The following DPYS variants were observed in gnomAD, a reference collection of about 807,000 sequenced individuals.
DPYS encodes the protein dihydropyrimidine amidohydrolase.
In DPYS, 39 loss-of-function variants were observed where a neutral mutation model predicts 50.3. That is an observed-to-expected ratio of 0.78 (90% CI 0.60 to 1.01). The LOEUF (loss-of-function observed/expected upper bound fraction) is 1.01. Ranked by LOEUF, DPYS falls within the 50% of genes least tolerant of loss-of-function variation. The pLI is 0.00. For synonymous variants in DPYS, 245 were observed against 250.7 expected (o/e 0.98, Z 0.22); for missense variants, 659 against 680.9 (o/e 0.97, Z 0.36).
intron 6 of DPYS, 96 bp from the exon 7 acceptor site, chr8:104,424,485 C>G: frequency 1.5e-6 from 2 of 1,293,694 alleles, no homozygotes; most frequent in Non-Finnish European, 2.2e-6. Context: ...ACAAACAGAA[C>G]TGCACCTAAT....
At chr8:104,451,109 G>A (rs1813720476) in intron 2 of DPYS, 137 bp downstream of exon 2, 2 of 1,057,638 alleles carry the variant, frequency 1.9e-6, no homozygotes, top group Non-Finnish European at 2.9e-6. Context: ...AGATACAAAA[G>A]AATATGCAAT....
chr8:104,447,553 G>T (rs1466715461), intron 2 of DPYS, 50 bp from the exon 3 acceptor site: 2 of 1,594,462 alleles, frequency 1.3e-6, no homozygotes, highest in South Asian at 2.2e-5. Context: ...TAATTTAAAT[G>T]ATAATTTCAA....
chr8:104,418,315 A>G (rs1812433285), intron 7 of DPYS, among the ~76,000 whole-genome samples: 1 of 152,210 alleles, frequency 6.6e-6, no homozygotes, highest in Admixed American at 6.5e-5. Flanking sequence ...GAAATTTTGT[A>G]GGAAAATTTG....
intron 8 of DPYS, among the ~76,000 whole-genome samples, chr8:104,385,851 C>A (rs1471878704): frequency 6.6e-6 from 1 of 152,162 alleles, no homozygotes; most frequent in East Asian, 1.9e-4. Context: ...GCAAGAAGGC[C>A]CTCTCTAGAT....
At chr8:104,397,169 G>C (rs941662388) in intron 7 of DPYS, among the ~76,000 whole-genome samples, 1 of 152,070 alleles carries the variant, frequency 6.6e-6, no homozygotes, top group African/African-American at 2.4e-5. Context: ...CCTTCTCCCT[G>C]CCCTAAAACT....
intron 9 of DPYS, among the ~76,000 whole-genome samples, chr8:104,380,199 G>C (rs1810984796): frequency 1.3e-5 from 2 of 152,254 alleles, no homozygotes; most frequent in African/African-American, 4.8e-5. Context: ...CCAAATCCCT[G>C]CAGGAACAGG....
At chr8:104,448,967 T>A (rs1013995821) in intron 2 of DPYS, among the ~76,000 whole-genome samples, 3 of 152,170 alleles carry the variant, frequency 2.0e-5, no homozygotes, top group Non-Finnish European at 2.9e-5. Flanking sequence ...AGAAGGGGCC[T>A]TGTAAGGCTT....
chr8:104,430,404 C>A (rs187749515), intron 4 of DPYS, among the ~76,000 whole-genome samples: 26 of 151,636 alleles, frequency 1.7e-4, no homozygotes, highest in Non-Finnish European at 3.4e-4. Flanking sequence ...TAATAGTGCA[C>A]AGTGAATTTG....
chr8:104,389,400 T>A (rs1811315924), intron 8 of DPYS, among the ~76,000 whole-genome samples: 1 of 152,216 alleles, frequency 6.6e-6, no homozygotes, highest in Non-Finnish European at 1.5e-5. Flanking sequence ...CTTTGCCTAA[T>A]GCCATAGGGA....
chr8:104,391,111 A>G (rs1416633245), intron 8 of DPYS, among the ~76,000 whole-genome samples: 1 of 152,240 alleles, frequency 6.6e-6, no homozygotes, highest in South Asian at 2.1e-4. Context: ...AATTTAAAGC[A>G]CGTGAGAAAA....
At chr8:104,454,046 A>G (rs1813845769) in intron 1 of DPYS, among the ~76,000 whole-genome samples, 1 of 152,152 alleles carries the variant, frequency 6.6e-6, no homozygotes, top group Admixed American at 6.5e-5. Context: ...GGATGAGGAG[A>G]GTCCAAGGTG....
intron 8 of DPYS, among the ~76,000 whole-genome samples, chr8:104,391,122 C>T (rs1190904687): frequency 6.6e-6 from 1 of 152,148 alleles, no homozygotes; most frequent in Non-Finnish European, 1.5e-5. Context: ...CGTGAGAAAA[C>T]TTGTTTACCT....
chr8:104,454,039 TGAG>T (rs1813845417), intron 1 of DPYS, among the ~76,000 whole-genome samples: 1 of 152,254 alleles, frequency 6.6e-6, no homozygotes, highest in East Asian at 1.9e-4. Context: ...CTGGGTGGGA[TGAG>T]GAGAGTCCAA....
chr8:104,388,538 G>C lies in DPYS; in HGVS notation c.1443+4246C>G, dbSNP rs533922253. Among the ~76,000 whole-genome samples the C allele has an allele frequency of 2.6e-5, 4 of 152,182 alleles. No homozygotes were observed. In the South Asian group the frequency reaches 6.2e-4, roughly 24 times the overall value. On this transcript the variant is annotated intron_variant, in intron 8 of 9. Transcript: ENST00000351513. ...AATTAATAATATGTAGTTTTGCTCA[G>C]TCAGGATTCTCTTGAACATCCAAGT...
chr8:104,423,922 C>G (rs1812634806), intron 7 of DPYS: 2 of 911,700 alleles, frequency 2.2e-6, no homozygotes, highest in South Asian at 1.0e-4. Flanking sequence ...TCAAACTAAG[C>G]CTTTTATTTC....
rs1446231508 is a variant in DPYS at position 104,429,569 on chromosome 8, T to C, written c.926A>G (p.Asp309Gly). 6.2e-7 allele frequency: 1 copy of C among 1,614,064 alleles called. No homozygotes were observed. Among genetic ancestry groups the C allele is most frequent in the South Asian group, 1.1e-5 (1 of 91,084 alleles). Reference protein sequence around the residue: ...PPLRPDPSTPDFLMNLLANDD... With the variant: ...PPLRPDPSTPGFLMNLLANDD... ...CTTAGCCAACAGATTCATGAGGAAG[T>C]CGGGTGTTGAGGGGTCTGGTCGCAA... The change falls in exon 5 of 10, where the codon GAC (aspartate) becomes GGC (glycine). Residue 309 changes from aspartate to glycine, a missense_variant. Asp to Gly is a moderately conservative substitution (Grantham distance 94, BLOSUM62 -1). Coordinates refer to ENST00000351513, the MANE Select transcript of DPYS (RefSeq NM_001385.3).
chr8:104,417,197 A>G (rs1037415659), intron 7 of DPYS, among the ~76,000 whole-genome samples: 1 of 152,148 alleles, frequency 6.6e-6, no homozygotes, highest in Non-Finnish European at 1.5e-5. Context: ...AGTACACACA[A>G]TGTGTTAGCT....
intron 4 of DPYS, among the ~76,000 whole-genome samples, chr8:104,436,668 G>A (rs756731933): frequency 6.6e-6 from 1 of 151,394 alleles, no homozygotes; most frequent in Non-Finnish European, 1.5e-5. Flanking sequence ...AAACAGAAGA[G>A]AATTAAAAAA....
chr8:104,403,580 G>T (rs1314358670), intron 7 of DPYS, among the ~76,000 whole-genome samples: 2 of 152,108 alleles, frequency 1.3e-5, no homozygotes, highest in Non-Finnish European at 2.9e-5. Flanking sequence ...AAGAGAAGCT[G>T]GATAACAGAA....
Sources: gnomAD v4.1 joint callset for allele counts (sites outside exome capture counted in the v4.1 genomes callset) on GRCh38, gnomAD v4.1.1 for gene constraint, MANE v1.5 for transcripts, NCBI Gene and HGNC (gene_info 2026-07-23, HGNC 2026-07-21) for gene names.